Variants in MUC6 observed in about 807,000 individuals in gnomAD.
MUC6 encodes mucin-6.
Under a neutral mutation model 201.5 loss-of-function variants are expected in MUC6, and 188 were observed. The observed-to-expected ratio is 0.93, with a 90% CI of 0.83 to 1.05. MUC6 has a LOEUF of 1.05. MUC6 is among the 50% of genes least tolerant of loss of function. The pLI is 0.00. For missense variants in MUC6, 2,706 were observed against 3,256.9 expected, an observed-to-expected ratio of 0.83 and a Z score of 4.12; for synonymous variants, 1,228 against 1,389.4, an observed-to-expected ratio of 0.88 and a Z score of 2.58.
At chr11:1,026,249 A>G (rs1431247819) in intron 20 of MUC6, 78 bp downstream of exon 20, 22 of 1,538,576 alleles carry the variant, frequency 1.4e-5, no homozygotes, top group Non-Finnish European at 1.8e-5. Context: ...CCTCTGGGAC[A>G]GCCCCACCCC....
At position 1,033,726 on chromosome 11, in the gene MUC6, A is replaced by G. The variant is rs544251153; in HGVS notation, c.53-651T>C. ...TCCCAGAGGCTGGGGTGGGGCCAAC[A>G]CCCCCCACGTCCCACCCCCTGTACC... is the stretch of plus-strand genomic sequence containing the variant. On this transcript the variant is annotated intron_variant, in intron 1 of 32. Coordinates refer to ENST00000421673, the MANE Select transcript of MUC6 (RefSeq NM_005961.3). The surrounding 1 kb of genome is among the most constrained non-coding windows in gnomAD (Gnocchi z 5.6). 6.9e-6 allele frequency among the ~76,000 whole-genome samples: 1 copy of G among 144,296 alleles called. No individual in the cohort carries two copies. Among genetic ancestry groups the G allele is most frequent in the Admixed American group, 6.9e-5 (1 of 14,582 alleles). 94.7% of individuals were successfully genotyped at this position (144,296 alleles called of 152,430 possible).
At chr11:1,025,779 CTG>C in intron 22 of MUC6, 24 bp downstream of exon 22, 4 of 1,594,086 alleles carry the variant, frequency 2.5e-6, no homozygotes, top group Non-Finnish European at 3.4e-6. Context: ...CCGTCCTGCC[CTG>C]CCAGAGTCTG....
Position 1,031,038 on chromosome 11 carries a change from T to C in MUC6, c.593A>G (p.His198Arg). Residue 198 changes from histidine (H) to arginine (R), a missense_variant, in exon 6 of 33, where the codon CAC becomes CGC. His to Arg is a conservative substitution (Grantham distance 29, BLOSUM62 0). Transcript: ENST00000421673. The part of the protein sequence containing the change: ...VSEEGKFLEP[H>R]KFAALQKLDD... ...CAGCTTCTGGAGGGCAGCAAACTTG[T>C]GGGGTTCCAGGAACTTGCCTGGGGT... 6.4e-6 allele frequency: 10 copies of C among 1,571,596 alleles called. No homozygotes were observed. The highest frequency in any genetic ancestry group is 8.6e-6 in the Non-Finnish European group (10 of 1,160,924).
intron 31 of MUC6, among the ~76,000 whole-genome samples, chr11:1,014,252 G>A (rs147997587): frequency 5.3e-5 from 8 of 152,336 alleles, no homozygotes; most frequent in South Asian, 2.1e-4. Context: ...TTTTCTCAGC[G>A]GACTCAGCAG....
At chr11:1,034,658 C>T (rs777897731) in intron 1 of MUC6, among the ~76,000 whole-genome samples, 38 of 152,196 alleles carry the variant, frequency 2.5e-4, no homozygotes, top group Non-Finnish European at 4.7e-4. Context: ...GAGCTGTGAC[C>T]GGTCTCCCCT....
chr11:1,036,431 G>T (rs987186181), intron 1 of MUC6, among the ~76,000 whole-genome samples, 173 bp downstream of exon 1: 1 of 152,192 alleles, frequency 6.6e-6, no homozygotes, highest in Non-Finnish European at 1.5e-5. Flanking sequence ...CGCGGCTGCT[G>T]GGGGGACCCG....
At chr11:1,023,055 GTGAA>G (rs1475024478) in intron 26 of MUC6, among the ~76,000 whole-genome samples, 9 of 149,980 alleles carry the variant, frequency 6.0e-5, no homozygotes, top group Non-Finnish European at 1.2e-4. Flanking sequence ...GTGAATGAAT[GTGAA>G]TGAGCGTGAA....
chr11:1,033,136 C>A lies in MUC6; in HGVS notation c.53-61G>T, dbSNP rs961394094. 2.0e-6 allele frequency: 3 copies of A among 1,516,472 alleles called. No homozygotes were observed. The highest frequency in any genetic ancestry group is 2.7e-6 in the Non-Finnish European group (3 of 1,092,382). The allele number at this position is 1,516,472 out of a possible 1,614,324, so 93.9% of individuals were successfully genotyped here. On this transcript the variant is annotated intron_variant, in intron 1 of 32. Coordinates refer to ENST00000421673, the MANE Select transcript of MUC6 (RefSeq NM_005961.3). The surrounding 1 kb of genome is among the most constrained non-coding windows in gnomAD (Gnocchi z 5.6). ...CCCCGTCGTCCCTGAGGGCGCCGCT[C>A]ACCTCTGCTCAGGGCTGCTCCGCCC...
intron 19 of MUC6, 123 bp from the exon 20 acceptor site, chr11:1,026,601 CTG>C (rs1321657056): frequency 2.0e-5 from 24 of 1,227,928 alleles, no homozygotes; most frequent in Non-Finnish European, 2.6e-5. Context: ...CAGCCCTGCT[CTG>C]TGGCCTTTGT....
At chr11:1,024,425 C>A (rs936628889) in intron 24 of MUC6, among the ~76,000 whole-genome samples, 1 of 152,222 alleles carries the variant, frequency 6.6e-6, no homozygotes, top group Non-Finnish European at 1.5e-5. Context: ...CGGGCCAGTG[C>A]CATGCTGTTC....
chr11:1,019,245 G>A (rs1856752682), intron 30 of MUC6, 30 bp downstream of exon 30: 2 of 1,608,306 alleles, frequency 1.2e-6, no homozygotes, highest in Non-Finnish European at 1.7e-6. Context: ...GCCTTCGGCA[G>A]TGCTGGCATC....
Position 1,013,401 on chromosome 11 carries a change from T to C in MUC6, c.*55A>G. On this transcript the variant is annotated 3_prime_UTR_variant, in exon 33 of 33. Coordinates refer to ENST00000421673, the MANE Select transcript of MUC6 (RefSeq NM_005961.3). ...AAGCGGGAAGGGGGCTGGTGGGTGT[T>C]TTCCTGTCTGTCATCTGCAGTCCTT... 8 of 1,494,072 alleles carry C rather than the reference T, an allele frequency of 5.4e-6. No homozygotes were observed. In the South Asian group the frequency reaches 1.0e-4, roughly 19 times the overall value. 92.6% of individuals were successfully genotyped at this position (1,494,072 alleles called of 1,614,324 possible).
intron 24 of MUC6, 69 bp downstream of exon 24, chr11:1,024,775 G>T: frequency 2.4e-6 from 3 of 1,241,744 alleles, no homozygotes; most frequent in East Asian, 2.9e-5. Context: ...TGGCTTCCCC[G>T]CCCCTTCCCC....
chr11:1,032,981 G>A, intron 2 of MUC6, 32 bp downstream of exon 2: 3 of 1,559,340 alleles, frequency 1.9e-6, no homozygotes, highest in Non-Finnish European at 2.6e-6. Flanking sequence ...GGGTGGTCTG[G>A]GCGGCAGGAT....
At chr11:1,014,135 GC>G in intron 31 of MUC6, 134 bp from the exon 32 acceptor site, 2 of 710,486 alleles carry the variant, frequency 2.8e-6, no homozygotes, top group South Asian at 1.8e-5. Flanking sequence ...CCCTTGTGGA[GC>G]CCCACAGAGC....
Position 1,031,952 on chromosome 11 carries a change from C to T in MUC6, c.217G>A (p.Ala73Thr), listed in dbSNP as rs896661417. 2 of 1,613,452 alleles carry T rather than the reference C, an allele frequency of 1.2e-6. No homozygotes were observed. Among genetic ancestry groups the T allele is most frequent in the African/African-American group, 1.3e-5 (1 of 74,922 alleles). The stretch of plus-strand genomic sequence containing the variant: ...GTGGGGAAGGCGTCCTTGCAGGTGG[C>T]CGCGAAGATGTAGTTGCACGTCCCC... ...FSGTCNYIFA[A>T]TCKDAFPTFS... Residue 73 changes from alanine (A) to threonine (T), a missense_variant, in exon 3 of 33, where the codon GCC becomes ACC. Coordinates refer to ENST00000421673, the MANE Select transcript of MUC6 (RefSeq NM_005961.3).
chr11:1,036,241 C>T (rs1857213920), intron 1 of MUC6, among the ~76,000 whole-genome samples: 1 of 152,216 alleles, frequency 6.6e-6, no homozygotes, highest in Non-Finnish European at 1.5e-5. Context: ...CTCAGGACCC[C>T]ACTCGGGGAG....
rs1206334964 is a variant in MUC6 at position 1,024,999 on chromosome 11, C to T, written c.3070G>A (p.Glu1024Lys). 9 of 1,613,164 alleles carry T rather than the reference C, an allele frequency of 5.6e-6. No individual in the cohort carries two copies. Among genetic ancestry groups the T allele is most frequent in the African/African-American group, 1.3e-5 (1 of 75,074 alleles). The part of the protein sequence containing the change: ...ETRSRYVASS[E>K]LELVNSWKES... ...TTCCACGAGTTCACCAACTCCAGCT[C>T]GCTGGATGCCACGTACCTGCTGCGC... Residue 1024 changes from glutamate to lysine, a missense_variant, in exon 24 of 33, where the codon GAG becomes AAG. Transcript: ENST00000421673.
In MUC6 at chr11:1,030,755, G is replaced by T. The variant is rs1180611215; in HGVS notation, c.710C>A (p.Thr237Asn). The change falls in exon 7 of 33, where the codon ACC becomes AAC. Residue 237 changes from threonine to asparagine, a missense_variant. Physicochemically the swap from Thr to Asn is moderately conservative, Grantham distance 65. Around this residue, in one of 10 missense-constraint regions of MUC6, gnomAD observed 1,850 missense variants for 1,958.3 expected, o/e 0.94. Coordinates refer to ENST00000421673, the MANE Select transcript of MUC6 (RefSeq NM_005961.3). ...QHARICTQLL[T>N]LVAPECSVSK... ...CACGCTGCACTCAGGGGCCACCAGGGTCAGCAGCTGGGTGCAGATCCGGGC... is the reference window on the plus strand; with the variant it reads ...CACGCTGCACTCAGGGGCCACCAGGTTCAGCAGCTGGGTGCAGATCCGGGC... The T allele has an allele frequency of 5.8e-6, 9 of 1,539,490 alleles. No homozygotes were observed. The Admixed American group carries it at 5.9e-5, about 10-fold the overall frequency.
Sources: allele counts gnomAD v4.1 joint callset (sites outside exome capture counted in the v4.1 genomes callset), GRCh38; gene constraint gnomAD v4.1.1; regional missense constraint gnomAD v4.1.1; non-coding constraint Gnocchi (gnomAD v3.1); transcripts MANE v1.5; gene names NCBI Gene and HGNC (gene_info 2026-07-23, HGNC 2026-07-21).